PI4KA: variants seen among roughly 807,000 people sequenced by gnomAD.
The protein encoded by PI4KA is phosphatidylinositol 4-kinase alpha, also known as PI4-kinase alpha.
PI4KA carries 122 observed loss-of-function variants against 271.4 expected under a neutral mutation model. The ratio of observed to expected loss-of-function variants is 0.45; its 90% CI spans 0.39 to 0.52. The LOEUF (loss-of-function observed/expected upper bound fraction) is 0.52. Among genes scored for constraint, PI4KA ranks in the 20% least tolerant of loss-of-function variants. PI4KA has a pLI of 0.00. For missense variants in PI4KA, 1,969 were observed against 2,769.1 expected (o/e 0.71, Z 6.48); for synonymous variants, 1,041 against 1,078.8 (o/e 0.96, Z 0.69).
chr22:20,834,892 C>T (rs548738017), intron 2 of PI4KA, among the ~76,000 whole-genome samples: 19 of 152,274 alleles, frequency 1.2e-4, no homozygotes, highest in Non-Finnish European at 2.5e-4. Flanking sequence ...AGGAAGGGTT[C>T]GCACCTGCCT....
chr22:20,747,477 G>A (rs1442604929), intron 29 of PI4KA, 106 bp downstream of exon 29: 3 of 1,204,520 alleles, frequency 2.5e-6, no homozygotes, highest in African/African-American at 3.0e-5. Context: ...CACCCTGCAT[G>A]TACTCATGTG....
chr22:20,830,361 A>G (rs1024584856), intron 3 of PI4KA, among the ~76,000 whole-genome samples: 11 of 152,190 alleles, frequency 7.2e-5, no homozygotes, highest in Admixed American at 2.0e-4. Flanking sequence ...GGATATAGTC[A>G]AATCTTGCTG....
intron 19 of PI4KA, among the ~76,000 whole-genome samples, chr22:20,766,725 A>AC (rs1932564642): frequency 6.6e-6 from 1 of 151,698 alleles, no homozygotes; most frequent in Non-Finnish European, 1.5e-5. Context: ...ATCCTTACGG[A>AC]CCCCCCAGTG....
chr22:20,771,862 G>T (rs1932890610), intron 19 of PI4KA, among the ~76,000 whole-genome samples: 1 of 152,100 alleles, frequency 6.6e-6, no homozygotes. Flanking sequence ...GATTACAGGT[G>T]TGAGCCACCA....
chr22:20,856,553 G>A lies in PI4KA; in HGVS notation c.156+2017C>T, dbSNP rs529757283. ...AGGTTCAAGCGATTCTCCTGCCTCA[G>A]CCTCCCAAGTAGCTGGGATTAGAGG... is the stretch of plus-strand genomic sequence containing the variant. On this transcript the variant is annotated intron_variant, in intron 1 of 54. Coordinates refer to ENST00000255882, the MANE Select transcript of PI4KA (RefSeq NM_058004.4). Among the ~76,000 whole-genome samples, 101 of 151,178 alleles carry A rather than the reference G, an allele frequency of 6.7e-4. No individual in the cohort carries two copies. The South Asian group carries it at 0.021, about 31-fold the overall frequency.
intron 54 of PI4KA, 71 bp from the exon 55 acceptor site, chr22:20,708,169 G>A (rs900378506): frequency 1.6e-6 from 2 of 1,227,728 alleles, no homozygotes; most frequent in Non-Finnish European, 2.4e-6. Context: ...CCCACAGGGA[G>A]CCCTACCTGT....
intron 14 of PI4KA, 86 bp downstream of exon 14, chr22:20,801,887 A>G (rs185759381): frequency 3.6e-5 from 52 of 1,450,022 alleles, no homozygotes; most frequent in Non-Finnish European, 4.3e-5. Context: ...CTCAATCTCA[A>G]AAAAGAAGTA....
At chr22:20,720,929 G>A (rs62238848) in intron 43 of PI4KA, among the ~76,000 whole-genome samples, 8 of 152,210 alleles carry the variant, frequency 5.3e-5, no homozygotes, top group Non-Finnish European at 1.2e-4. Context: ...AAACATTTCT[G>A]ACAGTGCAGG....
intron 19 of PI4KA, chr22:20,779,661 T>C (rs1156256012): frequency 1.2e-6 from 2 of 1,614,052 alleles, no homozygotes; most frequent in African/African-American, 1.3e-5. Flanking sequence ...CCTCCAGCTT[T>C]TTCATGGCAA....
intron 18 of PI4KA, among the ~76,000 whole-genome samples, chr22:20,795,433 A>T (rs888445621): frequency 8.5e-5 from 13 of 152,340 alleles, no homozygotes; most frequent in African/African-American, 3.1e-4. Flanking sequence ...ATACAAAAAC[A>T]AAACTTGAGT....
At chr22:20,786,612 G>A (rs1053727789) in intron 19 of PI4KA, among the ~76,000 whole-genome samples, 1 of 152,180 alleles carries the variant, frequency 6.6e-6, no homozygotes, top group Non-Finnish European at 1.5e-5. Flanking sequence ...AGCTGGAGCT[G>A]GGGTGGCTGT....
intron 32 of PI4KA, 32 bp from the exon 33 acceptor site, chr22:20,734,585 G>A: frequency 6.3e-7 from 1 of 1,597,734 alleles, no homozygotes; most frequent in Non-Finnish European, 8.5e-7. Flanking sequence ...TAGCTCCTCT[G>A]TGAAACACAA....
intron 42 of PI4KA, among the ~76,000 whole-genome samples, chr22:20,722,621 T>TA (rs1285331420): frequency 6.6e-6 from 1 of 152,190 alleles, no homozygotes; most frequent in Non-Finnish European, 1.5e-5. Flanking sequence ...TCTTTTTAAT[T>TA]AAAAAAATTT....
At chr22:20,749,818 T>A (rs1390496497) in intron 28 of PI4KA, 87 bp downstream of exon 28, 9 of 790,678 alleles carry the variant, frequency 1.1e-5, no homozygotes, top group Non-Finnish European at 2.0e-5. Context: ...TAGTGCTATT[T>A]GGATTTTGAG....
At chr22:20,810,724 C>CT (rs1935953426) in intron 9 of PI4KA, among the ~76,000 whole-genome samples, 1 of 152,138 alleles carries the variant, frequency 6.6e-6, no homozygotes, top group African/African-American at 2.4e-5. Flanking sequence ...CACTAAAACT[C>CT]TATCTTCTGT....
chr22:20,751,664 G>A lies in PI4KA; in HGVS notation c.3069+10C>T, dbSNP rs766716669. The A allele has an allele frequency of 1.2e-6, 2 of 1,610,666 alleles. No individual in the cohort carries two copies. Among genetic ancestry groups the A allele is most frequent in the South Asian group, 2.2e-5 (2 of 91,020 alleles). Reference sequence around the variant, plus strand: ...GGTGTTTGGGCCCTAGGTCTCCTGGGGACACTCACAGCGCTCAGTGACAGT... The same window carrying A: ...GGTGTTTGGGCCCTAGGTCTCCTGGAGACACTCACAGCGCTCAGTGACAGT... On this transcript the variant is annotated intron_variant, in intron 26 of 54. Transcript: ENST00000255882.
intron 5 of PI4KA, 30 bp from the exon 6 acceptor site, chr22:20,819,930 T>C (rs375314759): frequency 3.1e-6 from 5 of 1,589,624 alleles, no homozygotes; most frequent in Admixed American, 3.4e-5. Context: ...CGTTACAATA[T>C]AAGAAAGTAT....
intron 6 of PI4KA, among the ~76,000 whole-genome samples, chr22:20,818,789 T>C (rs2147688730): frequency 6.6e-6 from 1 of 152,330 alleles, no homozygotes; most frequent in Admixed American, 6.5e-5. Flanking sequence ...GTCCTCAGTG[T>C]TTTGTGTTTT....
intron 19 of PI4KA, among the ~76,000 whole-genome samples, chr22:20,792,826 G>A (rs994859731): frequency 6.6e-6 from 1 of 152,184 alleles, no homozygotes; most frequent in Non-Finnish European, 1.5e-5. Context: ...TTGTGGGAAG[G>A]AGCCAAGGAA....
Sources: gnomAD v4.1 joint callset for allele counts (sites outside exome capture counted in the v4.1 genomes callset) on GRCh38, gnomAD v4.1.1 for gene constraint, MANE v1.5 for transcripts, NCBI Gene and HGNC (gene_info 2026-07-23, HGNC 2026-07-21) for gene names.